Variants in FGF22 observed in about 807,000 individuals in gnomAD.
FGF22 encodes the protein fibroblast growth factor 22.
A neutral mutation model predicts 10.3 loss-of-function variants in FGF22; 11 were observed. The observed-to-expected ratio is 1.07, with a 90% confidence interval of 0.67 to 1.77. The LOEUF is 1.77. Among genes scored for constraint, FGF22 ranks in the 40% most tolerant of loss-of-function variants. The pLI is 0.00. For missense variants in FGF22, 317 were observed against 273.2 expected (o/e 1.16, Z -1.13); for synonymous variants, 136 against 122.1 (o/e 1.11, Z -0.75).
chr19:640,434 C>T, intron 1 of FGF22: 2 of 283,248 alleles, frequency 7.1e-6, no homozygotes, highest in East Asian at 5.8e-5. Context: ...TCCAGAGGGG[C>T]TGGGGCAGGC....
chr19:640,016 C>T (rs1020054868), exon 1 of FGF22: 12 of 1,349,690 alleles, frequency 8.9e-6, no homozygotes, highest in African/African-American at 1.5e-5. Context: ...GCGGGGACCG[C>T]GCAGCTACCC....
intron 1 of FGF22, chr19:641,434 G>T (rs1425401164): frequency 5.5e-6 from 2 of 360,704 alleles, no homozygotes; most frequent in Non-Finnish European, 5.6e-6. Flanking sequence ...AATTAGCCGG[G>T]TGTGGTGGCG....
chr19:640,176 C>T (rs1461034818), intron 1 of FGF22, 37 bp downstream of exon 1: 3 of 1,208,452 alleles, frequency 2.5e-6, no homozygotes, highest in Admixed American at 8.6e-5. Flanking sequence ...GGTGGGGAGG[C>T]GGCGGGTGAC....
chr19:643,827 G>A (rs574596370), exon 3 of FGF22: 23 of 549,078 alleles, frequency 4.2e-5, no homozygotes, highest in African/African-American at 3.5e-4. Flanking sequence ...CCAACAGGGC[G>A]CCTCTCGGGC....
At position 643,317 on chromosome 19, in the gene FGF22, CCGGGGCCGCCTCTA is replaced by C. The variant is rs1462337939; in HGVS notation, c.302_315del (p.Gly101ValfsTer69). 1 of 1,589,822 alleles carries C rather than the reference CCGGGGCCGCCTCTA, an allele frequency of 6.3e-7. No homozygotes were observed. Among genetic ancestry groups the C allele is most frequent in the Non-Finnish European group, 8.6e-7 (1 of 1,166,428 alleles). ...CAGGCTTCTACGTGGCCATGAACCG[CCGGGGCCGCCTCTA>C]CGGGTCGGTGAGTGCCGGGCAGGGC... On this transcript the variant is annotated frameshift_variant, in exon 2 of 3. Coordinates refer to ENST00000215530, the Ensembl canonical transcript of FGF22. LOFTEE classifies it low-confidence loss of function (END_TRUNC).
At chr19:641,386 C>T (rs1985895472) in intron 1 of FGF22, 1 of 400,366 alleles carries the variant, frequency 2.5e-6, no homozygotes, top group Non-Finnish European at 5.1e-6. Context: ...ACCATCCCGG[C>T]TAACACGGTG....
intron 1 of FGF22, chr19:640,778 G>A (rs989545875): frequency 8.9e-6 from 2 of 224,220 alleles, no homozygotes; most frequent in Non-Finnish European, 1.8e-5. Flanking sequence ...GGTACCTGGA[G>A]GCCAGGGGAG....
At chr19:640,756 GC>G in intron 1 of FGF22, 1 of 208,064 alleles carries the variant, frequency 4.8e-6, no homozygotes. Context: ...GCTGGGCACA[GC>G]AGGGGATGTG....
At position 641,343 on chromosome 19, in the gene FGF22, G is replaced by A. The variant is rs11572862; in HGVS notation, c.214+1204G>A. On this transcript the variant is annotated intron_variant, in intron 1 of 2. Transcript: ENST00000215530. ...GGTAATCCCAGCACTTTGGGAGGCC[G>A]AGGCGGGCAGATCACGAGGTCAGGA... is the stretch of plus-strand genomic sequence containing the variant. The A allele has an allele frequency of 7.4e-4, 331 of 445,282 alleles. 3 individuals carry two copies. In the East Asian group the frequency reaches 0.013, roughly 18 times the overall value. 27.6% of individuals were successfully genotyped at this position (445,282 alleles called of 1,614,324 possible). A position where few individuals can be genotyped will look rare whatever the true frequency, so the allele number is the denominator to read the frequency against.
intron 1 of FGF22, chr19:641,380 T>C (rs1348438956): frequency 7.2e-6 from 3 of 418,400 alleles, no homozygotes; most frequent in Non-Finnish European, 1.5e-5. Flanking sequence ...ATCGAGACCA[T>C]CCCGGCTAAC....
At chr19:641,736 C>G (rs567540604) in intron 1 of FGF22, 142 of 165,798 alleles carry the variant, frequency 8.6e-4, no homozygotes, top group African/African-American at 3.1e-3. Flanking sequence ...CCCAGAACAA[C>G]CACCTCAAAG....
intron 2 of FGF22, 33 bp downstream of exon 2, chr19:643,371 A>T (rs776364245): frequency 3.1e-6 from 2 of 647,206 alleles, no homozygotes; most frequent in East Asian, 6.2e-5. Flanking sequence ...CGGCGCGGGC[A>T]GGGTGGGGAG....
At chr19:640,182 G>A (rs1221741224) in intron 1 of FGF22, 43 bp downstream of exon 1, 1 of 1,225,008 alleles carries the variant, frequency 8.2e-7, no homozygotes, top group Non-Finnish European at 1.0e-6. Context: ...GAGGCGGCGG[G>A]TGACGGCAAC....
chr19:643,096 C>T (rs1443182672), intron 1 of FGF22, 139 bp from the exon 2 acceptor site: 28 of 695,466 alleles, frequency 4.0e-5, no homozygotes, highest in African/African-American at 8.8e-5. Flanking sequence ...GAGTGTCCGT[C>T]GTGGTCGGGA....
intron 1 of FGF22, chr19:640,779 G>A: frequency 4.5e-6 from 1 of 224,632 alleles, no homozygotes; most frequent in Admixed American, 5.0e-5. Flanking sequence ...GTACCTGGAG[G>A]CCAGGGGAGT....
exon 3 of FGF22, chr19:643,854 C>T (rs991551505): frequency 8.4e-6 from 4 of 474,152 alleles, no homozygotes; most frequent in African/African-American, 4.1e-5. Flanking sequence ...ACGCAGACGT[C>T]GAAAGGTCGA....
At chr19:642,497 CTGTGAGGGCCGGGCTGGGGGCTCCATA>C (rs1985936442) in intron 1 of FGF22, among the ~76,000 whole-genome samples, 1 of 46,250 alleles carries the variant, frequency 2.2e-5, no homozygotes, top group African/African-American at 1.2e-4. Context: ...GTGGTGTGAG[CTGTGAGGGCCGGGCTGGGGGCTCCATA>C]TGGGGTGGTG....
Position 640,169 on chromosome 19 carries a change from G to A in FGF22, c.214+30G>A, listed in dbSNP as rs527523793. The A allele has an allele frequency of 5.2e-5, 65 of 1,258,828 alleles. No individual in the cohort carries two copies. In the East Asian group the frequency reaches 1.4e-3, roughly 27 times the overall value. The allele number at this position is 1,258,828 out of a possible 1,614,324, so 78.0% of individuals were successfully genotyped here. A position where few individuals can be genotyped will look rare whatever the true frequency, so the allele number is the denominator to read the frequency against. ...GTGCGGGGCGGCGGGGGCCTGGGGT[G>A]GGGAGGCGGCGGGTGACGGCAACGC... On this transcript the variant is annotated intron_variant, in intron 1 of 2. Coordinates refer to ENST00000215530, the Ensembl canonical transcript of FGF22.
At chr19:642,769 T>TCTGGGTG (rs1451625175) in intron 1 of FGF22, among the ~76,000 whole-genome samples, 1 of 151,752 alleles carries the variant, frequency 6.6e-6, no homozygotes, top group African/African-American at 2.4e-5. Context: ...TTATCAGTGG[T>TCTGGGTG]CTGGGTGGGC....
Sources: gnomAD v4.1 joint callset for allele counts (sites outside exome capture counted in the v4.1 genomes callset) on GRCh38, gnomAD v4.1.1 for gene constraint, MANE v1.5 for transcripts, NCBI Gene and HGNC (gene_info 2026-07-23, HGNC 2026-07-21) for gene names.